HPSE2: variants seen among roughly 807,000 people sequenced by gnomAD.
HPSE2 encodes the protein heparanase 2 (inactive).
HPSE2 carries 38 observed loss-of-function variants against 60.5 expected under a neutral mutation model. The ratio of observed to expected loss-of-function variants is 0.63; its 90% CI spans 0.48 to 0.82. The LOEUF is 0.82. HPSE2 is among the 40% of genes least tolerant of loss of function. The pLI is 0.00. For missense variants in HPSE2, 713 were observed against 740.4 expected, an observed-to-expected ratio of 0.96 and a Z score of 0.43; for synonymous variants, 295 against 293.2, an observed-to-expected ratio of 1.01 and a Z score of -0.06.
At chr10:99,290,533 A>T in the HPSE2 span, among the ~76,000 whole-genome samples, 1 of 152,200 alleles carries the variant, frequency 6.6e-6, no homozygotes, top group Admixed American at 6.5e-5. Context: ...ATTTACTAAG[A>T]AACAGCTATC....
chr10:98,544,080 G>C (rs1403074594), intron 9 of HPSE2, among the ~76,000 whole-genome samples: 1 of 151,648 alleles, frequency 6.6e-6, no homozygotes, highest in African/African-American at 2.4e-5. Context: ...ATAGTTGGAA[G>C]TAAAGCTCTC....
chr10:99,086,715 T>C (rs1163925528), intron 3 of HPSE2, among the ~76,000 whole-genome samples: 1 of 152,214 alleles, frequency 6.6e-6, no homozygotes, highest in East Asian at 1.9e-4. Context: ...ATTGGATCTG[T>C]TATAGAAAAC....
At chr10:99,151,606 C>T (rs117763810) in intron 2 of HPSE2, among the ~76,000 whole-genome samples, 2,929 of 152,026 alleles carry the variant, frequency 0.019, 51 homozygotes, top group Non-Finnish European at 0.028. Context: ...CTTAAAAGCA[C>T]GGAGGAAAAA....
At chr10:98,552,062 T>C (rs906429273) in intron 9 of HPSE2, among the ~76,000 whole-genome samples, 3 of 152,128 alleles carry the variant, frequency 2.0e-5, no homozygotes, top group African/African-American at 4.8e-5. Flanking sequence ...TAGTGATAAG[T>C]TGGATGTGGT....
intron 3 of HPSE2, among the ~76,000 whole-genome samples, chr10:98,806,144 C>T (rs947532953): frequency 2.0e-5 from 3 of 152,122 alleles, no homozygotes; most frequent in Non-Finnish European, 2.9e-5. Context: ...TGTGACCTGG[C>T]GCATACATCA....
At chr10:99,250,671 G>A in the HPSE2 span, among the ~76,000 whole-genome samples, 2 of 152,016 alleles carry the variant, frequency 1.3e-5, no homozygotes, top group Non-Finnish European at 2.9e-5. Flanking sequence ...GACCACAGTG[G>A]AATAAAAATA....
At chr10:98,633,990 G>A (rs1026756775) in intron 7 of HPSE2, among the ~76,000 whole-genome samples, 1 of 152,022 alleles carries the variant, frequency 6.6e-6, no homozygotes, top group Non-Finnish European at 1.5e-5. Context: ...AATATTATTC[G>A]GGGCCACAAA....
intron 7 of HPSE2, among the ~76,000 whole-genome samples, chr10:98,630,195 G>GT (rs149014315): frequency 0.011 from 1,359 of 127,224 alleles, 10 homozygotes; most frequent in East Asian, 0.015. Flanking sequence ...TTTTTTTTTT[G>GT]TTTTTTTTTT....
intron 2 of HPSE2, among the ~76,000 whole-genome samples, chr10:99,149,464 T>C (rs1313179184): frequency 6.6e-6 from 1 of 152,240 alleles, no homozygotes; most frequent in East Asian, 1.9e-4. Context: ...GTACTTACTA[T>C]CAGAGAGCTC....
In HPSE2 at chr10:99,002,099, C is replaced by T. The variant is rs545754530; in HGVS notation, c.610+142139G>A. Among the ~76,000 whole-genome samples, 25 of 152,204 alleles carry T rather than the reference C, an allele frequency of 1.6e-4. No homozygotes were observed. The South Asian group carries it at 5.0e-3, about 30-fold the overall frequency. On this transcript the variant is annotated intron_variant, in intron 3 of 11. Coordinates refer to ENST00000370552, the MANE Select transcript of HPSE2 (RefSeq NM_021828.5). Reference sequence around the variant, plus strand: ...GCAATGAGGAGGTACGTCAAAGAGACATGGGAGCCAACTGAAAGAGCTCCA... The same window carrying T: ...GCAATGAGGAGGTACGTCAAAGAGATATGGGAGCCAACTGAAAGAGCTCCA...
intron 3 of HPSE2, among the ~76,000 whole-genome samples, chr10:98,796,993 C>T (rs751916525): frequency 6.6e-6 from 1 of 152,160 alleles, no homozygotes; most frequent in Non-Finnish European, 1.5e-5. Flanking sequence ...CCTTTGAATA[C>T]CTGGAAAGCA....
At chr10:98,685,921 T>C (rs1947904440) in intron 6 of HPSE2, among the ~76,000 whole-genome samples, 2 of 152,216 alleles carry the variant, frequency 1.3e-5, no homozygotes, top group South Asian at 4.1e-4. Context: ...TTATCTACTT[T>C]GTCAAATTTG....
At chr10:98,761,989 C>A (rs1291427966) in intron 3 of HPSE2, among the ~76,000 whole-genome samples, 1 of 150,672 alleles carries the variant, frequency 6.6e-6, no homozygotes, top group Non-Finnish European at 1.5e-5. Context: ...CCCTCCCCTC[C>A]TCTCCCCTGT....
At chr10:99,098,410 C>A (rs1193698172) in intron 3 of HPSE2, among the ~76,000 whole-genome samples, 9 of 152,296 alleles carry the variant, frequency 5.9e-5, no homozygotes, top group Admixed American at 5.9e-4. Flanking sequence ...AAATCCCCAA[C>A]AAATGCTGAG....
chr10:99,288,203 G>A, the HPSE2 span, among the ~76,000 whole-genome samples: 1 of 152,028 alleles, frequency 6.6e-6, no homozygotes, highest in African/African-American at 2.4e-5. Context: ...AGATTACATC[G>A]TGTTCTTTAA....
At chr10:98,933,533 G>T in intron 3 of HPSE2, among the ~76,000 whole-genome samples, 1 of 143,488 alleles carries the variant, frequency 7.0e-6, no homozygotes, top group East Asian at 2.0e-4. Context: ...TCAATGATCT[G>T]TCTAACACTG....
chr10:98,757,565 A>C (rs1360200022), intron 3 of HPSE2, among the ~76,000 whole-genome samples: 3 of 152,120 alleles, frequency 2.0e-5, no homozygotes, highest in Non-Finnish European at 4.4e-5. Flanking sequence ...CAAATCAAAA[A>C]TGCAATTCCA....
chr10:98,866,330 G>A (rs1952587047), intron 3 of HPSE2, among the ~76,000 whole-genome samples: 1 of 152,014 alleles, frequency 6.6e-6, no homozygotes, highest in East Asian at 1.9e-4. Context: ...AATCCACTGA[G>A]AAAGAAGAAT....
At chr10:99,229,187 A>C (rs1849570518) in intron 2 of HPSE2, among the ~76,000 whole-genome samples, 1 of 152,012 alleles carries the variant, frequency 6.6e-6, no homozygotes, top group African/African-American at 2.4e-5. Context: ...AAAAAAAAAA[A>C]ACTTATCAGG....
Sources: allele counts gnomAD v4.1 joint callset (sites outside exome capture counted in the v4.1 genomes callset), GRCh38; gene constraint gnomAD v4.1.1; transcripts MANE v1.5; gene names NCBI Gene and HGNC (gene_info 2026-07-23, HGNC 2026-07-21).